The following CACNA1A variants were observed in gnomAD, a reference collection of about 807,000 sequenced individuals.
CACNA1A encodes voltage-dependent P/Q-type calcium channel subunit alpha-1A.
CACNA1A carries 57 observed loss-of-function variants against 262.4 expected under a neutral mutation model. The observed-to-expected ratio is 0.22, with a 90% CI of 0.18 to 0.27. The LOEUF is 0.27. CACNA1A is among the 10% of genes least tolerant of loss of function. The pLI is 1.00. For synonymous variants in CACNA1A, 1,431 were observed against 1,419.3 expected (o/e 1.01, Z -0.18); for missense variants, 2,526 against 3,562.8 (o/e 0.71, Z 7.41).
intron 31 of CACNA1A, among the ~76,000 whole-genome samples, chr19:13,238,911 C>A (rs113727918): frequency 1.3e-5 from 2 of 151,994 alleles, no homozygotes; most frequent in African/African-American, 4.8e-5. Context: ...AAGCCAGACC[C>A]GACTGCTCCC....
At chr19:13,301,943 T>C (rs188232589) in intron 17 of CACNA1A, among the ~76,000 whole-genome samples, 103 of 151,498 alleles carry the variant, frequency 6.8e-4, no homozygotes, top group Non-Finnish European at 1.3e-3. Flanking sequence ...CTGGACCATC[T>C]GCCTCAGAAA....
chr19:13,429,572 T>C (rs2060468918), intron 3 of CACNA1A, among the ~76,000 whole-genome samples: 1 of 142,428 alleles, frequency 7.0e-6, no homozygotes, highest in South Asian at 2.2e-4. Context: ...CAATGAGACC[T>C]CTAAGGGCCC....
intron 3 of CACNA1A, among the ~76,000 whole-genome samples, chr19:13,433,954 G>A (rs1007540979): frequency 3.3e-5 from 5 of 152,118 alleles, no homozygotes; most frequent in South Asian, 2.1e-4. Context: ...TAAGAGCTTC[G>A]ACACTGAAGT....
chr19:13,291,238 T>C (rs886307455), intron 19 of CACNA1A, among the ~76,000 whole-genome samples: 6 of 152,080 alleles, frequency 3.9e-5, no homozygotes, highest in African/African-American at 1.4e-4. Context: ...TGTGGACACC[T>C]TGCCTGGGGC....
At chr19:13,364,313 A>G (rs1304905159) in intron 5 of CACNA1A, 1 of 152,244 alleles carries the variant, frequency 6.6e-6, no homozygotes, top group African/African-American at 2.4e-5. Flanking sequence ...CCTATAATAA[A>G]TGAGAACTAT....
rs2304093 is a variant in CACNA1A at position 13,209,188 on chromosome 19, C to G, written c.6526+124G>C. The stretch of plus-strand genomic sequence containing the variant: ...GGTTCCTGCAGCTGCTGCCTGGCCC[C>G]CTCTGTCCCCTCTCCATGGAGGCCT... On this transcript the variant is annotated intron_variant, in intron 45 of 46. Coordinates refer to ENST00000360228, the MANE Select transcript of CACNA1A (RefSeq NM_001127222.2). The G allele has an allele frequency of 0.89, 1,195,807 of 1,336,478 alleles. 535,853 individuals carry two copies. The highest frequency in any genetic ancestry group is 0.91 in the Admixed American group (37,001 of 40,744). The allele number at this position is 1,336,478 out of a possible 1,614,324, so 82.8% of individuals were successfully genotyped here.
At chr19:13,303,738 G>C in intron 16 of CACNA1A, 29 bp downstream of exon 16, 2 of 1,578,698 alleles carry the variant, frequency 1.3e-6, no homozygotes, top group Non-Finnish European at 1.7e-6. Context: ...GTCCAGGCCT[G>C]TCCCCTTCTC....
In CACNA1A at chr19:13,231,177, A is replaced by ATT. The variant is rs71168692; in HGVS notation, c.5400+531_5400+532dup. Among the ~76,000 whole-genome samples, 261 of 139,148 alleles carry ATT rather than the reference A, an allele frequency of 1.9e-3. No homozygotes were observed. In the East Asian group the frequency reaches 0.021, roughly 11 times the overall value. The allele number at this position is 139,148 out of a possible 152,430, so 91.3% of individuals were successfully genotyped here. A position where few individuals can be genotyped will look rare whatever the true frequency, so the allele number is the denominator to read the frequency against. On this transcript the variant is annotated intron_variant, in intron 35 of 46. Coordinates refer to ENST00000360228, the MANE Select transcript of CACNA1A (RefSeq NM_001127222.2). ...CAGCACCACGTGTGCAGCTAATTCA[A>ATT]TTTTTTTTTTTTTTTTTAAAGAGAT...
chr19:13,283,439 A>G, intron 21 of CACNA1A, 43 bp from the exon 22 acceptor site: 3 of 1,612,086 alleles, frequency 1.9e-6, no homozygotes, highest in Non-Finnish European at 2.5e-6. Context: ...CTCAGACCAC[A>G]GGCTCACAAA....
chr19:13,396,878 A>T (rs1181171873), intron 3 of CACNA1A, among the ~76,000 whole-genome samples: 1 of 152,080 alleles, frequency 6.6e-6, no homozygotes, highest in Non-Finnish European at 1.5e-5. Context: ...GAGGGGAGGG[A>T]AAGAGATTGG....
intron 6 of CACNA1A, among the ~76,000 whole-genome samples, chr19:13,349,037 A>G (rs956554707): frequency 1.4e-5 from 2 of 140,072 alleles, no homozygotes; most frequent in East Asian, 2.0e-4. Flanking sequence ...AAGAGAGACA[A>G]AGAGAGAGAG....
intron 1 of CACNA1A, among the ~76,000 whole-genome samples, chr19:13,494,391 G>C (rs978913960): frequency 2.6e-5 from 4 of 152,196 alleles, no homozygotes; most frequent in African/African-American, 9.6e-5. Flanking sequence ...GCCATGGGGA[G>C]ACCTGGAGAA....
intron 6 of CACNA1A, among the ~76,000 whole-genome samples, chr19:13,336,811 C>G (rs958232689): frequency 7.9e-5 from 12 of 152,144 alleles, no homozygotes; most frequent in Admixed American, 2.0e-4. Context: ...AATCATCAGC[C>G]CAAGATCACA....
At chr19:13,494,048 G>A (rs1981212727) in intron 1 of CACNA1A, among the ~76,000 whole-genome samples, 1 of 152,218 alleles carries the variant, frequency 6.6e-6, no homozygotes, top group African/African-American at 2.4e-5. Flanking sequence ...TTTATCAGCT[G>A]GGGTACTGAA....
intron 31 of CACNA1A, among the ~76,000 whole-genome samples, chr19:13,237,615 T>C (rs554700002): frequency 6.6e-6 from 1 of 152,222 alleles, no homozygotes; most frequent in African/African-American, 2.4e-5. Flanking sequence ...CTGGGACACA[T>C]CAGTGCGTCC....
chr19:13,425,264 T>C (rs919066696), intron 3 of CACNA1A, among the ~76,000 whole-genome samples: 3 of 152,204 alleles, frequency 2.0e-5, no homozygotes, highest in African/African-American at 7.2e-5. Flanking sequence ...AAGTCAAGAA[T>C]TTCCCAGAGG....
chr19:13,228,480 G>A (rs377713211), intron 36 of CACNA1A: 104 of 180,778 alleles, frequency 5.8e-4, no homozygotes, highest in Non-Finnish European at 1.0e-3. Flanking sequence ...GCTGAAGGCT[G>A]AAGGGAAGGA....
At chr19:13,331,500 G>T (rs527867663) in intron 9 of CACNA1A, among the ~76,000 whole-genome samples, 1 of 152,190 alleles carries the variant, frequency 6.6e-6, no homozygotes, top group Non-Finnish European at 1.5e-5. Flanking sequence ...GCCTCCCAAA[G>T]TGCTGGGATT....
intron 6 of CACNA1A, among the ~76,000 whole-genome samples, chr19:13,357,027 G>A (rs541311180): frequency 6.6e-6 from 1 of 152,256 alleles, no homozygotes; most frequent in East Asian, 1.9e-4. Context: ...AGTAGAAATC[G>A]TATGTTGTCT....
Sources: gnomAD v4.1 joint callset for allele counts (sites outside exome capture counted in the v4.1 genomes callset) on GRCh38, gnomAD v4.1.1 for gene constraint, MANE v1.5 for transcripts, NCBI Gene and HGNC (gene_info 2026-07-23, HGNC 2026-07-21) for gene names.